Variants in YTHDC1 observed in about 807,000 individuals in gnomAD.
YTHDC1 encodes YTH N6-methyladenosine RNA binding protein C1.
Under a neutral mutation model 107.0 loss-of-function variants are expected in YTHDC1, and 12 were observed. The ratio of observed to expected loss-of-function variants is 0.11; its 90% CI spans 0.07 to 0.18. The LOEUF (loss-of-function observed/expected upper bound fraction) is 0.18. Ranked by LOEUF, YTHDC1 falls within the 10% of genes least tolerant of loss-of-function variation. The probability of loss-of-function intolerance (pLI) is 1.00; values close to 1 mark genes in which losing one functional copy is unlikely to be tolerated. For synonymous variants in YTHDC1, 280 were observed against 289.5 expected (o/e 0.97, Z 0.33); for missense variants, 635 against 898.8 (o/e 0.71, Z 3.75).
In YTHDC1 at chr4:68,310,469, AAAGTGT is replaced by A. The variant is rs1231669389; in HGVS notation, c.*3624_*3629del. 5.3e-5 allele frequency: 8 copies of A among 152,322 alleles called. No homozygotes were observed. Among genetic ancestry groups the A allele is most frequent in the African/African-American group, 1.9e-4 (8 of 41,568 alleles). The allele number at this position is 152,322 out of a possible 1,614,324, so 9.4% of individuals were successfully genotyped here. A position where few individuals can be genotyped will look rare whatever the true frequency, so the allele number is the denominator to read the frequency against. ...TATATTTAAGACACAGAAGAAACTG[AAAGTGT>A]AAGATTTAGAAACAAGAGAATCCCC... On this transcript the variant is annotated 3_prime_UTR_variant, in exon 17 of 17. Transcript: ENST00000344157.
intron 9 of YTHDC1, among the ~76,000 whole-genome samples, chr4:68,324,509 C>T (rs1437005450): frequency 6.6e-6 from 1 of 152,182 alleles, no homozygotes; most frequent in Non-Finnish European, 1.5e-5. Context: ...CTTTGATAAA[C>T]AAGAATATCA....
intron 6 of YTHDC1, among the ~76,000 whole-genome samples, chr4:68,332,466 A>G (rs1723699596): frequency 6.6e-6 from 1 of 152,142 alleles, no homozygotes; most frequent in African/African-American, 2.4e-5. Context: ...CAAGTTTTAT[A>G]GATTTTCTTA....
intron 1 of YTHDC1, among the ~76,000 whole-genome samples, chr4:68,345,140 T>C (rs1247062764): frequency 6.6e-6 from 1 of 152,180 alleles, no homozygotes; most frequent in Non-Finnish European, 1.5e-5. Context: ...ATTTTTGTTT[T>C]AGGTAAACAT....
Position 68,350,008 on chromosome 4 carries a change from G to T in YTHDC1, c.-255C>A. ...GGCTCAGACTCGGGCTAGGTATGGG[G>T]GAGGGAAGGGAAACAGATGGCGACG... On this transcript the variant is annotated 5_prime_UTR_variant, in exon 1 of 17. Transcript: ENST00000344157. 1 of 578,472 alleles carries T rather than the reference G, an allele frequency of 1.7e-6. No homozygotes were observed. Among genetic ancestry groups the T allele is most frequent in the Non-Finnish European group, 3.1e-6 (1 of 327,664 alleles). The allele number at this position is 578,472 out of a possible 1,614,324, so 35.8% of individuals were successfully genotyped here. A position where few individuals can be genotyped will look rare whatever the true frequency, so the allele number is the denominator to read the frequency against.
intron 1 of YTHDC1, among the ~76,000 whole-genome samples, chr4:68,346,858 G>A (rs1485298281): frequency 6.6e-6 from 1 of 152,034 alleles, no homozygotes; most frequent in Non-Finnish European, 1.5e-5. Flanking sequence ...TATACATATA[G>A]AAAAAAACAT....
At chr4:68,331,281 A>C (rs1171535467) in intron 7 of YTHDC1, among the ~76,000 whole-genome samples, 1 of 152,116 alleles carries the variant, frequency 6.6e-6, no homozygotes, top group East Asian at 1.9e-4. Context: ...AACCCTGTGG[A>C]TACCGAGGGC....
At chr4:68,345,667 T>C (rs1725328371) in intron 1 of YTHDC1, among the ~76,000 whole-genome samples, 1 of 152,136 alleles carries the variant, frequency 6.6e-6, no homozygotes, top group Admixed American at 6.6e-5. Flanking sequence ...ATAGGTAAAA[T>C]AAATATATTG....
intron 1 of YTHDC1, among the ~76,000 whole-genome samples, chr4:68,346,094 T>TATATATAC (rs1175384070): frequency 7.2e-6 from 1 of 138,470 alleles, no homozygotes; most frequent in Non-Finnish European, 1.5e-5. Context: ...TATATATATA[T>TATATATAC]ATATATACAC....
chr4:68,320,513 G>C (rs1578024204), intron 11 of YTHDC1, among the ~76,000 whole-genome samples: 2 of 152,040 alleles, frequency 1.3e-5, no homozygotes, highest in East Asian at 3.9e-4. Flanking sequence ...AGTAAACAAA[G>C]TCATTCTCAA....
rs745319205 is a variant in YTHDC1, at chr4:68,322,939, AT to A, written c.1435-25del. ...TCCTAGAATAGGAAAGTAGCAATTT[AT>A]AAAACAAAAACAGACCCTTTCAACA... is the stretch of plus-strand genomic sequence containing the variant. On this transcript the variant is annotated intron_variant, in intron 10 of 16. Transcript: ENST00000344157. This position sits in a 1 kb window ranked among gnomAD's most constrained non-coding sequence, Gnocchi z 4.8. The A allele has an allele frequency of 6.2e-7, 1 of 1,608,542 alleles. No homozygotes were observed. The highest frequency in any genetic ancestry group is 2.2e-5 in the East Asian group (1 of 44,774).
At chr4:68,329,118 G>C (rs1196374372) in intron 9 of YTHDC1, among the ~76,000 whole-genome samples, 1 of 151,810 alleles carries the variant, frequency 6.6e-6, no homozygotes, top group Non-Finnish European at 1.5e-5. Flanking sequence ...AAACATTTAG[G>C]CTGACTCACA....
chr4:68,328,915 A>G (rs764368768), intron 9 of YTHDC1, among the ~76,000 whole-genome samples: 2 of 152,226 alleles, frequency 1.3e-5, no homozygotes, highest in Non-Finnish European at 2.9e-5. Context: ...ATGTAACACA[A>G]TGGAAAATAC....
chr4:68,317,081 AG>A (rs1721947978), intron 15 of YTHDC1, among the ~76,000 whole-genome samples: 1 of 152,114 alleles, frequency 6.6e-6, no homozygotes. Flanking sequence ...AAAATTAGCC[AG>A]GCACAGTGGC....
At position 68,332,148 on chromosome 4, in the gene YTHDC1, G is replaced by A. The variant is rs768201756; in HGVS notation, c.1077C>T (p.Leu359=). The A allele has an allele frequency of 6.2e-7, 1 of 1,610,222 alleles. No individual in the cohort carries two copies. The highest frequency in any genetic ancestry group is 1.1e-5 in the South Asian group (1 of 90,522). The change falls in exon 7 of 17, where the codon CTC becomes CTT. Residue 359 remains leucine, a synonymous_variant. Transcript: ENST00000344157. ...KYVLQDARFF[L]IKSNNHENVS... ...CATTCTCATGGTTGTTACTCTTTAT[G>A]AGGAAAAATCTTGCATCTTGAAGCA...
chr4:68,316,469 A>T, intron 15 of YTHDC1, 21 bp from the exon 16 acceptor site: 3 of 1,608,736 alleles, frequency 1.9e-6, no homozygotes, highest in Non-Finnish European at 2.5e-6. Context: ...AAAACCATTT[A>T]CATTAAGAAT....
At chr4:68,333,751 A>G (rs1321600975) in intron 4 of YTHDC1, among the ~76,000 whole-genome samples, 1 of 151,816 alleles carries the variant, frequency 6.6e-6, no homozygotes, top group Non-Finnish European at 1.5e-5. Flanking sequence ...TCTACACACC[A>G]GGTAACACTG....
At chr4:68,336,780 A>T (rs969232735) in intron 4 of YTHDC1, among the ~76,000 whole-genome samples, 13 of 152,192 alleles carry the variant, frequency 8.5e-5, no homozygotes, top group Admixed American at 4.6e-4. Flanking sequence ...CCTTATACAG[A>T]ATCAAATGGA....
intron 1 of YTHDC1, among the ~76,000 whole-genome samples, chr4:68,338,830 A>G (rs750466275): frequency 2.0e-5 from 3 of 152,234 alleles, no homozygotes; most frequent in African/African-American, 7.2e-5. Flanking sequence ...AGCCTGGGCG[A>G]TAAGAGTGAG....
At chr4:68,327,595 T>C (rs187962969) in intron 9 of YTHDC1, among the ~76,000 whole-genome samples, 193 of 152,276 alleles carry the variant, frequency 1.3e-3, no homozygotes, top group Middle Eastern at 6.8e-3. Context: ...TAAAAAAGCT[T>C]AAGTCTAGTT....
Sources: allele counts gnomAD v4.1 joint callset (sites outside exome capture counted in the v4.1 genomes callset), GRCh38; gene constraint gnomAD v4.1.1; non-coding constraint Gnocchi (gnomAD v3.1); transcripts MANE v1.5; gene names NCBI Gene and HGNC (gene_info 2026-07-23, HGNC 2026-07-21).